Variants in LRRC4C observed in about 807,000 individuals in gnomAD.
The protein encoded by LRRC4C is leucine-rich repeat-containing protein 4C.
In LRRC4C, 5 loss-of-function variants were observed where a neutral mutation model predicts 33.6. That is an observed-to-expected ratio of 0.15 (90% CI 0.08 to 0.31). LRRC4C has a LOEUF of 0.31. LRRC4C is among the 10% of genes least tolerant of loss of function. The pLI, the probability that LRRC4C is intolerant of heterozygous loss-of-function variation, is 1.00. For missense variants in LRRC4C, 560 were observed against 796.7 expected (o/e 0.70, Z 3.58); for synonymous variants, 329 against 302.0 (o/e 1.09, Z -0.93).
intron 3 of LRRC4C, among the ~76,000 whole-genome samples, chr11:40,425,321 A>C (rs1950670387): frequency 6.6e-6 from 1 of 152,196 alleles, no homozygotes; most frequent in South Asian, 2.1e-4. Flanking sequence ...ATCAGCCTCT[A>C]CATGAGGTTA....
chr11:41,063,018 C>G (rs948571099), intron 1 of LRRC4C, among the ~76,000 whole-genome samples: 28 of 152,042 alleles, frequency 1.8e-4, no homozygotes, highest in Admixed American at 1.4e-3. Flanking sequence ...TGTTTTCAGC[C>G]ATCCAAATTT....
At chr11:40,664,904 C>G (rs1388395924) in intron 2 of LRRC4C, among the ~76,000 whole-genome samples, 2 of 151,706 alleles carry the variant, frequency 1.3e-5, no homozygotes, top group African/African-American at 4.8e-5. Flanking sequence ...AGGTATATCT[C>G]CTAATGCTAT....
chr11:40,631,307 G>A (rs143520318), intron 3 of LRRC4C, among the ~76,000 whole-genome samples: 94 of 152,272 alleles, frequency 6.2e-4, no homozygotes, highest in African/African-American at 2.0e-3. Context: ...CTGGAGATGT[G>A]TCTGGCATGG....
At chr11:40,778,176 T>C (rs1418565177) in intron 2 of LRRC4C, among the ~76,000 whole-genome samples, 1 of 152,220 alleles carries the variant, frequency 6.6e-6, no homozygotes, top group African/African-American at 2.4e-5. Context: ...CTCAAATTTT[T>C]TGTGGTGACA....
At chr11:40,282,669 A>G (rs912923643) in intron 4 of LRRC4C, among the ~76,000 whole-genome samples, 2 of 152,230 alleles carry the variant, frequency 1.3e-5, no homozygotes, top group Non-Finnish European at 2.9e-5. Flanking sequence ...CAACATATTT[A>G]AGACATTTCT....
chr11:41,090,378 ATC>A (rs1236183860), intron 1 of LRRC4C, among the ~76,000 whole-genome samples: 9 of 152,158 alleles, frequency 5.9e-5, no homozygotes, highest in Non-Finnish European at 1.3e-4. Flanking sequence ...TTTTGGTTTT[ATC>A]TCTGTTTTCT....
chr11:41,272,829 A>G (rs1949363458), intron 1 of LRRC4C, among the ~76,000 whole-genome samples: 1 of 152,154 alleles, frequency 6.6e-6, no homozygotes, highest in African/African-American at 2.4e-5. Context: ...TTTGTTTTCT[A>G]TATCATTATT....
chr11:40,966,352 C>CA (rs1851364211), intron 1 of LRRC4C, among the ~76,000 whole-genome samples: 1 of 151,810 alleles, frequency 6.6e-6, no homozygotes, highest in African/African-American at 2.4e-5. Flanking sequence ...CAAGTTGGCC[C>CA]ACTGAGGTTC....
intron 2 of LRRC4C, among the ~76,000 whole-genome samples, chr11:40,874,917 T>A (rs1954814665): frequency 6.6e-6 from 1 of 152,192 alleles, no homozygotes; most frequent in Admixed American, 6.5e-5. Context: ...AAATGATGGT[T>A]CTGACTACTC....
At chr11:40,354,078 C>T (rs117385536) in intron 3 of LRRC4C, among the ~76,000 whole-genome samples, 2 of 152,168 alleles carry the variant, frequency 1.3e-5, no homozygotes, top group Non-Finnish European at 1.5e-5. Context: ...AAGGGGACAT[C>T]CTAAATCCAG....
chr11:41,270,808 T>C (rs996118323), intron 1 of LRRC4C, among the ~76,000 whole-genome samples: 2 of 152,118 alleles, frequency 1.3e-5, no homozygotes, highest in African/African-American at 4.8e-5. Flanking sequence ...AAATGTATTA[T>C]ATTACCATTC....
At chr11:40,920,117 AC>A (rs1454389326) in intron 2 of LRRC4C, among the ~76,000 whole-genome samples, 1 of 152,168 alleles carries the variant, frequency 6.6e-6, no homozygotes, top group Non-Finnish European at 1.5e-5. Context: ...CTTATGTTGA[AC>A]AAAAATCAGG....
chr11:40,954,971 T>C (rs1302690920), intron 1 of LRRC4C, among the ~76,000 whole-genome samples: 3 of 151,838 alleles, frequency 2.0e-5, no homozygotes, highest in Non-Finnish European at 4.4e-5. Flanking sequence ...CTCGTGCTTT[T>C]GTATCTTCCC....
intron 3 of LRRC4C, among the ~76,000 whole-genome samples, chr11:40,547,486 C>T (rs910512031): frequency 6.6e-6 from 1 of 152,004 alleles, no homozygotes; most frequent in African/African-American, 2.4e-5. Context: ...GGGAAATGAC[C>T]CGTTTCATTT....
chr11:40,796,651 T>A lies in LRRC4C; in HGVS notation c.-407+136984A>T, dbSNP rs534288971. Among the ~76,000 whole-genome samples the A allele has an allele frequency of 4.4e-3, 582 of 133,040 alleles. 4 individuals are homozygous for A. Among genetic ancestry groups the A allele is most frequent in the African/African-American group, 0.019 (550 of 29,690 alleles). The allele number at this position is 133,040 out of a possible 152,430, so 87.3% of individuals were successfully genotyped here. ...AGCAGAACTCTTTTTTTTTTTTTTTTTTTTTTTTATTTTGAGACAGAGTCT... is the reference window on the plus strand; with the variant it reads ...AGCAGAACTCTTTTTTTTTTTTTTTATTTTTTTTATTTTGAGACAGAGTCT... On this transcript the variant is annotated intron_variant, in intron 2 of 6. Transcript: ENST00000528697.
intron 2 of LRRC4C, among the ~76,000 whole-genome samples, chr11:40,710,264 T>C (rs1213344809): frequency 3.3e-5 from 5 of 152,304 alleles, no homozygotes; most frequent in East Asian, 1.9e-4. Flanking sequence ...TTGGAGGAGA[T>C]GGGACTCTCT....
At chr11:40,344,069 GTATAAA>G (rs1427797511) in intron 3 of LRRC4C, among the ~76,000 whole-genome samples, 2 of 152,068 alleles carry the variant, frequency 1.3e-5, no homozygotes, top group Non-Finnish European at 2.9e-5. Flanking sequence ...TCTACTAGAT[GTATAAA>G]GAAGAGCTGG....
chr11:41,043,050 T>C (rs1402322061), intron 1 of LRRC4C, among the ~76,000 whole-genome samples: 2 of 139,590 alleles, frequency 1.4e-5, no homozygotes. Context: ...AAATCCAAAA[T>C]GATTATACAG....
intron 3 of LRRC4C, among the ~76,000 whole-genome samples, chr11:40,342,477 A>G (rs1946914654): frequency 6.6e-6 from 1 of 152,110 alleles, no homozygotes; most frequent in Non-Finnish European, 1.5e-5. Context: ...CAAAAAACAA[A>G]ACAAACAAAC....
Sources: allele counts gnomAD v4.1 joint callset (sites outside exome capture counted in the v4.1 genomes callset), GRCh38; gene constraint gnomAD v4.1.1; transcripts MANE v1.5; gene names NCBI Gene and HGNC (gene_info 2026-07-23, HGNC 2026-07-21).